Variants in NCKAP5 observed in about 807,000 individuals in gnomAD.
The protein encoded by NCKAP5 is nck-associated protein 5.
Under a neutral mutation model 167.0 loss-of-function variants are expected in NCKAP5, and 92 were observed. The ratio of observed to expected loss-of-function variants is 0.55; its 90% CI spans 0.47 to 0.66. The LOEUF (loss-of-function observed/expected upper bound fraction) is 0.66. Among genes scored for constraint, NCKAP5 ranks in the 30% least tolerant of loss-of-function variants. The probability of loss-of-function intolerance (pLI) is 0.00; values close to 1 mark genes in which losing one functional copy is unlikely to be tolerated. For missense variants in NCKAP5, 2,378 were observed against 2,315.0 expected (o/e 1.03, Z -0.56); for synonymous variants, 891 against 877.4 (o/e 1.02, Z -0.27).
intron 8 of NCKAP5, among the ~76,000 whole-genome samples, chr2:132,885,177 T>C (rs1692115006): frequency 1.3e-5 from 2 of 151,202 alleles, no homozygotes; most frequent in Admixed American, 1.3e-4. Flanking sequence ...AGGATTAACC[T>C]GCTACCAACT....
At chr2:132,801,228 G>T (rs1685007987) in intron 11 of NCKAP5, among the ~76,000 whole-genome samples, 1 of 152,178 alleles carries the variant, frequency 6.6e-6, no homozygotes, top group Non-Finnish European at 1.5e-5. Context: ...TTGGAAGAAA[G>T]CCACTCTGGG....
chr2:133,451,154 G>C (rs1012102794), intron 3 of NCKAP5, among the ~76,000 whole-genome samples: 4 of 152,084 alleles, frequency 2.6e-5, no homozygotes, highest in Admixed American at 2.6e-4. Context: ...AGAGAAGATG[G>C]CCCAGTAACA....
chr2:133,584,135 G>T, the NCKAP5 span, among the ~76,000 whole-genome samples: 102 of 152,314 alleles, frequency 6.7e-4, no homozygotes, highest in African/African-American at 2.3e-3. Flanking sequence ...GGAAAATAAT[G>T]TTTTTTAATA....
At chr2:132,939,759 G>A (rs1458557166) in intron 8 of NCKAP5, among the ~76,000 whole-genome samples, 5 of 152,034 alleles carry the variant, frequency 3.3e-5, no homozygotes, top group Non-Finnish European at 1.5e-5. Flanking sequence ...CAGCACTTTG[G>A]GAGATTAAGG....
intron 3 of NCKAP5, among the ~76,000 whole-genome samples, chr2:133,514,775 A>C (rs1261916038): frequency 2.0e-5 from 3 of 152,172 alleles, no homozygotes; most frequent in Non-Finnish European, 4.4e-5. Context: ...ATAGTATATA[A>C]TGAAAGATAA....
chr2:133,470,613 G>A (rs552159679), intron 3 of NCKAP5, among the ~76,000 whole-genome samples: 10 of 152,118 alleles, frequency 6.6e-5, no homozygotes, highest in East Asian at 1.9e-4. Context: ...CCCCAGCCTC[G>A]CTGCCGCCTT....
intron 19 of NCKAP5, among the ~76,000 whole-genome samples, chr2:132,724,043 GGCTCCAGAGCTT>G (rs1159771452): frequency 2.6e-5 from 4 of 152,014 alleles, no homozygotes; most frequent in African/African-American, 9.7e-5. Context: ...GCTACTCCTG[GGCTCCAGAGCTT>G]GCTCTGCCTC....
chr2:132,858,398 T>C (rs1039751819), intron 11 of NCKAP5, among the ~76,000 whole-genome samples: 4 of 152,238 alleles, frequency 2.6e-5, no homozygotes, highest in African/African-American at 9.6e-5. Flanking sequence ...TTGTTCATTA[T>C]TCCACTCAAC....
Position 132,869,108 on chromosome 2 carries a change from G to C in NCKAP5, c.649-134C>G. On this transcript the variant is annotated intron_variant, in intron 9 of 19. Coordinates refer to ENST00000409261, the MANE Select transcript of NCKAP5 (RefSeq NM_207363.3). ...CATTTGCCTCTTTCCTCTATATGCA[G>C]AGATCTGATTATTTTCATAATAAGT... 3 of 538,794 alleles carry C rather than the reference G, an allele frequency of 5.6e-6. 1 individual carries two copies. Among genetic ancestry groups the C allele is most frequent in the Non-Finnish European group, 9.5e-6 (3 of 316,952 alleles). The allele number at this position is 538,794 out of a possible 1,614,324, so 33.4% of individuals were successfully genotyped here.
the NCKAP5 span, among the ~76,000 whole-genome samples, chr2:133,627,387 T>C: frequency 6.6e-6 from 1 of 152,216 alleles, no homozygotes; most frequent in Non-Finnish European, 1.5e-5. Context: ...TTAAAACTTA[T>C]GTTGATGTTT....
intron 5 of NCKAP5, among the ~76,000 whole-genome samples, chr2:133,165,583 G>T (rs1488764567): frequency 6.6e-6 from 1 of 152,116 alleles, no homozygotes; most frequent in African/African-American, 2.4e-5. Flanking sequence ...GAAAGGAACT[G>T]CAGAAAATCA....
intron 3 of NCKAP5, among the ~76,000 whole-genome samples, chr2:133,508,097 A>T (rs1446472029): frequency 6.6e-6 from 1 of 152,190 alleles, no homozygotes; most frequent in Non-Finnish European, 1.5e-5. Flanking sequence ...AGGAGTCAGG[A>T]GGGGTGGTCA....
chr2:133,091,443 G>A (rs1335950100), intron 6 of NCKAP5, among the ~76,000 whole-genome samples: 1 of 151,878 alleles, frequency 6.6e-6, no homozygotes, highest in Non-Finnish European at 1.5e-5. Context: ...GCAAATATTG[G>A]TTTACCCCAC....
intron 3 of NCKAP5, among the ~76,000 whole-genome samples, chr2:133,359,690 G>A (rs538434768): frequency 6.6e-6 from 1 of 152,192 alleles, no homozygotes; most frequent in South Asian, 2.1e-4. Context: ...AACTCTTTTT[G>A]AATACCAGCT....
intron 3 of NCKAP5, among the ~76,000 whole-genome samples, chr2:133,311,129 C>G (rs142961626): frequency 1.3e-5 from 2 of 152,140 alleles, no homozygotes; most frequent in Non-Finnish European, 2.9e-5. Context: ...AAGACTGCCC[C>G]GGCTTCAGAC....
chr2:133,589,892 C>T, the NCKAP5 span, among the ~76,000 whole-genome samples: 5 of 152,308 alleles, frequency 3.3e-5, no homozygotes, highest in East Asian at 1.9e-4. Flanking sequence ...ATGTAATATC[C>T]ACAGCTAAGG....
At chr2:133,337,651 C>A (rs1683301615) in intron 3 of NCKAP5, among the ~76,000 whole-genome samples, 1 of 152,192 alleles carries the variant, frequency 6.6e-6, no homozygotes, top group African/African-American at 2.4e-5. Context: ...AGAAAGATGA[C>A]TGTGTGAACA....
the NCKAP5 span, among the ~76,000 whole-genome samples, chr2:133,577,443 A>G: frequency 6.6e-6 from 1 of 152,072 alleles, no homozygotes; most frequent in Non-Finnish European, 1.5e-5. Context: ...CCCTAGATAT[A>G]TTCCCTATTT....
chr2:133,614,547 C>T, the NCKAP5 span, among the ~76,000 whole-genome samples: 1 of 151,874 alleles, frequency 6.6e-6, no homozygotes, highest in Non-Finnish European at 1.5e-5. Flanking sequence ...GAAAGGGTAT[C>T]AGCGATGGAA....
Sources: allele counts gnomAD v4.1 joint callset (sites outside exome capture counted in the v4.1 genomes callset), GRCh38; gene constraint gnomAD v4.1.1; transcripts MANE v1.5; gene names NCBI Gene and HGNC (gene_info 2026-07-23, HGNC 2026-07-21).